Variants in SORCS2 observed in about 807,000 individuals in gnomAD.
SORCS2 encodes the protein VPS10 domain-containing receptor SorCS2.
In SORCS2, 100 loss-of-function variants were observed where a neutral mutation model predicts 141.6. The observed-to-expected ratio is 0.71, with a 90% CI of 0.60 to 0.83. The LOEUF (loss-of-function observed/expected upper bound fraction) is 0.83. SORCS2 is among the 40% of genes least tolerant of loss of function. The pLI is 0.00. For missense variants in SORCS2, 1,646 were observed against 1,560.2 expected (o/e 1.05, Z -0.93); for synonymous variants, 789 against 676.9 (o/e 1.17, Z -2.57).
At chr4:7,375,642 G>C (rs1323131664) in intron 1 of SORCS2, among the ~76,000 whole-genome samples, 3 of 152,226 alleles carry the variant, frequency 2.0e-5, no homozygotes. Context: ...GCCTGAGCCA[G>C]CTTTGTGTCA....
At chr4:7,516,650 G>T (rs1157768974) in intron 2 of SORCS2, among the ~76,000 whole-genome samples, 1 of 152,166 alleles carries the variant, frequency 6.6e-6, no homozygotes, top group African/African-American at 2.4e-5. Context: ...GCTGCACGGA[G>T]TCTGGGAGTG....
At position 7,286,595 on chromosome 4, in the gene SORCS2, G is replaced by C. The variant is rs1019329495; in HGVS notation, c.480+93469G>C. 6.6e-6 allele frequency among the ~76,000 whole-genome samples: 1 copy of C among 152,204 alleles called. No individual in the cohort carries two copies. The highest frequency in any genetic ancestry group is 1.9e-4 in the East Asian group (1 of 5,198). ...CATGGTCCCATTCGGTCCCAGGCCA[G>C]CCCCCCGTATCTTACGGATGGAGGA... is the stretch of plus-strand genomic sequence containing the variant. On this transcript the variant is annotated intron_variant, in intron 1 of 26. Transcript: ENST00000507866. This position sits in a 1 kb window ranked among gnomAD's most constrained non-coding sequence, Gnocchi z 4.1.
chr4:7,331,209 T>C (rs1379342313), intron 1 of SORCS2, among the ~76,000 whole-genome samples: 5 of 152,132 alleles, frequency 3.3e-5, no homozygotes, highest in Non-Finnish European at 5.9e-5. Context: ...GGTTTCATTT[T>C]CCGTGGGCTG....
chr4:7,548,518 C>T (rs1032186028), intron 3 of SORCS2, among the ~76,000 whole-genome samples: 2 of 152,198 alleles, frequency 1.3e-5, no homozygotes, highest in Non-Finnish European at 2.9e-5. Flanking sequence ...GGCATACAAG[C>T]GTTATCATCC....
chr4:7,540,378 T>G (rs940333075), intron 3 of SORCS2, among the ~76,000 whole-genome samples: 1 of 152,034 alleles, frequency 6.6e-6, no homozygotes, highest in Non-Finnish European at 1.5e-5. Flanking sequence ...CCAGCCTTCT[T>G]CTGTGGCTAG....
rs114068132 is a variant in SORCS2, at chr4:7,330,076, C to T, written c.481-66212C>T. On this transcript the variant is annotated intron_variant, in intron 1 of 26. Transcript: ENST00000507866. Reference sequence around the variant, plus strand: ...CTCCCCCAGCTTCTTAGGGGCCACCCGCATTCCAACCCCTTCCCTCACATC... The same window carrying T: ...CTCCCCCAGCTTCTTAGGGGCCACCTGCATTCCAACCCCTTCCCTCACATC... Among the ~76,000 whole-genome samples, 387 of 151,862 alleles carry T rather than the reference C, an allele frequency of 2.5e-3. 3 individuals are homozygous for T. Among genetic ancestry groups the T allele is most frequent in the African/African-American group, 9.1e-3 (375 of 41,396 alleles).
rs960382357 is a variant in SORCS2, at chr4:7,724,400, G to T, written c.2611+517G>T. On this transcript the variant is annotated intron_variant, in intron 19 of 26. Transcript: ENST00000507866. The stretch of plus-strand genomic sequence containing the variant: ...GTGGTGATAGGGTGTTGGTGATGGT[G>T]ATAGTAGTGGTGGGAATGGATGGTG... 1.6e-4 allele frequency among the ~76,000 whole-genome samples: 22 copies of T among 139,268 alleles called. 1 individual carries two copies. The highest frequency in any genetic ancestry group is 6.5e-4 in the African/African-American group (22 of 33,920). 91.4% of individuals were successfully genotyped at this position (139,268 alleles called of 152,430 possible). A position where few individuals can be genotyped will look rare whatever the true frequency, so the allele number is the denominator to read the frequency against.
chr4:7,624,674 G>T (rs545484669), intron 3 of SORCS2, among the ~76,000 whole-genome samples: 1 of 152,216 alleles, frequency 6.6e-6, no homozygotes, highest in Non-Finnish European at 1.5e-5. Context: ...TGAACAAATT[G>T]TTCACACGTC....
chr4:7,262,981 G>A (rs1476187454), intron 1 of SORCS2, among the ~76,000 whole-genome samples: 1 of 152,186 alleles, frequency 6.6e-6, no homozygotes, highest in East Asian at 1.9e-4. Context: ...TCTCTGCCCA[G>A]TTTGGTCTCA....
At chr4:7,636,214 G>T (rs13120915) in intron 3 of SORCS2, among the ~76,000 whole-genome samples, 41,227 of 151,776 alleles carry the variant, frequency 0.27, 7,010 homozygotes, top group East Asian at 0.73. Flanking sequence ...TCAAATGCTT[G>T]GCTCCAAAGG....
Position 7,689,539 on chromosome 4 carries a change from A to G in SORCS2, c.1542A>G (p.Ser514=). 6.2e-7 allele frequency: 1 copy of G among 1,607,104 alleles called. No individual in the cohort carries two copies. Among genetic ancestry groups the G allele is most frequent in the Non-Finnish European group, 8.5e-7 (1 of 1,177,402 alleles). ...HLRWADNPYV[S]GTVHTKDTAP... ...GCTGGGCAGACAACCCCTACGTATC[A>G]GGCACCGTGCACACCAAGGACACCG... The change falls in exon 11 of 27, where the codon TCA becomes TCG. Residue 514 remains serine, a synonymous_variant. Transcript: ENST00000507866.
In SORCS2 at chr4:7,676,187, C is replaced by G; in HGVS notation, c.1299C>G (p.Ser433Arg). ...CGCTGGTGCTGCAGGACGTGCGCAGCTCACGGCAGGCGGAGGAGAGCGTGC... is the reference window on the plus strand; with the variant it reads ...CGCTGGTGCTGCAGGACGTGCGCAGGTCACGGCAGGCGGAGGAGAGCGTGC... ...RYALVLQDVR[S>R]SRQAEESVLI... The change falls in exon 9 of 27, where the codon AGC becomes AGG. Residue 433 changes from serine to arginine, a missense_variant. Coordinates refer to ENST00000507866, the MANE Select transcript of SORCS2 (RefSeq NM_020777.3). The G allele has an allele frequency of 6.4e-7, 1 of 1,554,404 alleles. No homozygotes were observed. The highest frequency in any genetic ancestry group is 8.7e-7 in the Non-Finnish European group (1 of 1,148,638).
chr4:7,321,976 G>A (rs1416596388), intron 1 of SORCS2, among the ~76,000 whole-genome samples: 1 of 152,192 alleles, frequency 6.6e-6, no homozygotes, highest in African/African-American at 2.4e-5. Context: ...TGTATTGACC[G>A]TGTTCCTTCC....
intron 3 of SORCS2, among the ~76,000 whole-genome samples, chr4:7,604,349 G>T (rs753384604): frequency 6.6e-6 from 1 of 152,156 alleles, no homozygotes; most frequent in Non-Finnish European, 1.5e-5. Flanking sequence ...ACGGAGTCTC[G>T]CTCTGTCGCC....
intron 3 of SORCS2, among the ~76,000 whole-genome samples, chr4:7,618,776 G>T (rs970569680): frequency 1.3e-5 from 2 of 151,944 alleles, no homozygotes; most frequent in Non-Finnish European, 2.9e-5. Flanking sequence ...ATTTGCCGTG[G>T]TTTTTTTCAC....
At chr4:7,371,489 T>C (rs1722245356) in intron 1 of SORCS2, among the ~76,000 whole-genome samples, 1 of 152,182 alleles carries the variant, frequency 6.6e-6, no homozygotes, top group South Asian at 2.1e-4. Flanking sequence ...TTCGTTGTGT[T>C]GGTAGGACAT....
intron 2 of SORCS2, among the ~76,000 whole-genome samples, chr4:7,455,492 G>T (rs1361338213): frequency 1.0e-4 from 15 of 145,370 alleles, no homozygotes; most frequent in African/African-American, 3.3e-4. Context: ...CAGGCTCCGT[G>T]TTGGGGTCAG....
intron 2 of SORCS2, among the ~76,000 whole-genome samples, chr4:7,505,027 T>C (rs1012490053): frequency 2.0e-5 from 3 of 151,704 alleles, no homozygotes; most frequent in African/African-American, 7.3e-5. Flanking sequence ...CCAAAGTCAA[T>C]AGGGGTGAAA....
intron 3 of SORCS2, among the ~76,000 whole-genome samples, chr4:7,558,284 G>A (rs895329710): frequency 6.6e-6 from 1 of 152,168 alleles, no homozygotes; most frequent in Non-Finnish European, 1.5e-5. Context: ...TCTGTGTTGT[G>A]GGACAGAGCT....
Sources: gnomAD v4.1 joint callset for allele counts (sites outside exome capture counted in the v4.1 genomes callset) on GRCh38, gnomAD v4.1.1 for gene constraint, Gnocchi (gnomAD v3.1) non-coding constraint, MANE v1.5 for transcripts, NCBI Gene and HGNC (gene_info 2026-07-23, HGNC 2026-07-21) for gene names.